The following CYFIP1 variants were observed in gnomAD, a reference collection of about 807,000 sequenced individuals.
CYFIP1 encodes cytoplasmic FMR1 interacting protein 1, also known as cytoplasmic FMR1-interacting protein 1.
Under a neutral mutation model 163.5 loss-of-function variants are expected in CYFIP1, and 58 were observed. The ratio of observed to expected loss-of-function variants is 0.35; its 90% CI spans 0.29 to 0.44. The LOEUF (loss-of-function observed/expected upper bound fraction) is 0.44. Ranked by LOEUF, CYFIP1 falls within the 20% of genes least tolerant of loss-of-function variation. The pLI is 1.00. For synonymous variants in CYFIP1, 663 were observed against 660.7 expected (o/e 1.00, Z -0.05); for missense variants, 1,338 against 1,653.8 (o/e 0.81, Z 3.31).
chr15:22,914,885 G>A lies in CYFIP1; in HGVS notation c.1829-3C>T, dbSNP rs562120712. The A allele has an allele frequency of 6.2e-7, 1 of 1,604,476 alleles. No homozygotes were observed. Among genetic ancestry groups the A allele is most frequent in the East Asian group, 2.2e-5 (1 of 44,626 alleles). On this transcript the variant is annotated splice_region_variant and splice_polypyrimidine_tract_variant and intron_variant, in intron 16 of 30. Transcript: ENST00000617928. ...GTCACAGCACTGCTGCAGCGTTTCTGGGAGGGTTCAAACAACTCCATGTTA... is the reference window on the plus strand; with the variant it reads ...GTCACAGCACTGCTGCAGCGTTTCTAGGAGGGTTCAAACAACTCCATGTTA...
Position 22,917,704 on chromosome 15 carries a change from CG to C in CYFIP1, c.1674+83del. ...CAGGCAGCGAGGACCTCATTTAACC[CG>C]GGCCTCACCAGCCCCACCCGCTCAC... On this transcript the variant is annotated intron_variant, in intron 15 of 30. Transcript: ENST00000617928. The surrounding 1 kb of genome is among the most constrained non-coding windows in gnomAD (Gnocchi z 4.2). The C allele has an allele frequency of 6.9e-7, 1 of 1,453,806 alleles. No individual in the cohort carries two copies. The allele number at this position is 1,453,806 out of a possible 1,614,324, so 90.1% of individuals were successfully genotyped here.
At chr15:22,883,400 C>G (rs1473808693) in intron 23 of CYFIP1, among the ~76,000 whole-genome samples, 1 of 152,136 alleles carries the variant, frequency 6.6e-6, no homozygotes, top group East Asian at 1.9e-4. Flanking sequence ...GCACAGGGCA[C>G]CCCCGGAGCC....
chr15:22,906,050 T>C (rs2060567352), intron 21 of CYFIP1, among the ~76,000 whole-genome samples: 1 of 152,142 alleles, frequency 6.6e-6, no homozygotes, highest in South Asian at 2.1e-4. Context: ...TGAGCCACTG[T>C]GCCCGGCCTT....
intron 1 of CYFIP1, among the ~76,000 whole-genome samples, chr15:22,965,099 T>C (rs998037107): frequency 6.6e-6 from 1 of 151,872 alleles, no homozygotes; most frequent in Non-Finnish European, 1.5e-5. Context: ...CATATCAACA[T>C]ACAGGTAACC....
intron 1 of CYFIP1, among the ~76,000 whole-genome samples, chr15:22,958,097 C>CTT (rs57822590): frequency 2.1e-4 from 30 of 141,380 alleles, no homozygotes; most frequent in Middle Eastern, 3.6e-3. Context: ...AAGTAATTTG[C>CTT]TTTTTTTTTT....
chr15:22,942,321 C>T (rs1456999606), intron 6 of CYFIP1, among the ~76,000 whole-genome samples: 3 of 152,210 alleles, frequency 2.0e-5, no homozygotes, highest in Non-Finnish European at 4.4e-5. Context: ...AATTTTAGAG[C>T]TAAGATGCCT....
rs762676312 is a variant in CYFIP1, at chr15:22,927,890, CG to C, written c.1233+15del. The C allele has an allele frequency of 3.1e-6, 5 of 1,589,776 alleles. No homozygotes were observed. Among genetic ancestry groups the C allele is most frequent in the South Asian group, 1.1e-5 (1 of 87,570 alleles). On this transcript the variant is annotated intron_variant, in intron 12 of 30. Transcript: ENST00000617928. ...GGCAGCTTTGGAGCGGGGCTGGGGT[CG>C]GGGACGGGGCCTACCACTTCCATCA...
rs1338626739 is a variant in CYFIP1 at position 22,885,690 on chromosome 15, G to A, written c.2677-2679C>T. On this transcript the variant is annotated intron_variant, in intron 23 of 30. Coordinates refer to ENST00000617928, the MANE Select transcript of CYFIP1 (RefSeq NM_014608.6). ...GGAGGTTGCAGTGAGCTGAGATTGC[G>A]CCATTGCACTCCAGCCTGGGCAACA... is the stretch of plus-strand genomic sequence containing the variant. Among the ~76,000 whole-genome samples the A allele has an allele frequency of 4.6e-5, 7 of 152,244 alleles. No homozygotes were observed. In the South Asian group the frequency reaches 6.2e-4, roughly 14 times the overall value.
At chr15:22,896,719 A>G (rs2060248231) in intron 22 of CYFIP1, among the ~76,000 whole-genome samples, 1 of 152,142 alleles carries the variant, frequency 6.6e-6, no homozygotes, top group South Asian at 2.1e-4. Flanking sequence ...CCTTGAGCAC[A>G]TGCATAGTCG....
In CYFIP1 at chr15:22,894,019, C is replaced by T. The variant is rs1401494147; in HGVS notation, c.2589-1042G>A. ...TCAGGGTGATGCTCAGAAAAGGGAACCCCATTTCCCAGAGATTCCTGGGCA... is the reference window on the plus strand; with the variant it reads ...TCAGGGTGATGCTCAGAAAAGGGAATCCCATTTCCCAGAGATTCCTGGGCA... On this transcript the variant is annotated intron_variant, in intron 22 of 30. Coordinates refer to ENST00000617928, the MANE Select transcript of CYFIP1 (RefSeq NM_014608.6). Among the ~76,000 whole-genome samples the T allele has an allele frequency of 2.0e-5, 3 of 152,232 alleles. No homozygotes were observed. The East Asian group carries it at 5.8e-4, about 29-fold the overall frequency.
In CYFIP1 at chr15:22,867,149, C is replaced by CTTTA; in HGVS notation, c.*2875_*2878dup. Reference sequence around the variant, plus strand: ...TGACAGTTTTAAGTCTATGAAAATGCTTTATTTTTTCATTGGTGATGAAAG... The same window carrying CTTTA: ...TGACAGTTTTAAGTCTATGAAAATGCTTTATTTATTTTTTCATTGGTGATGAAAG... On this transcript the variant is annotated 3_prime_UTR_variant, in exon 31 of 31. Transcript: ENST00000617928. 4 of 447,772 alleles carry CTTTA rather than the reference C, an allele frequency of 8.9e-6. No individual in the cohort carries two copies. Among genetic ancestry groups the CTTTA allele is most frequent in the Non-Finnish European group, 1.2e-5 (3 of 256,270 alleles). 27.7% of individuals were successfully genotyped at this position (447,772 alleles called of 1,614,324 possible). A position where few individuals can be genotyped will look rare whatever the true frequency, so the allele number is the denominator to read the frequency against.
chr15:22,930,410 A>AAAC (rs2061503640), intron 11 of CYFIP1, among the ~76,000 whole-genome samples: 1 of 148,242 alleles, frequency 6.7e-6, no homozygotes, highest in Non-Finnish European at 1.5e-5. Flanking sequence ...AAAAAAAAAA[A>AAAC]AACTGTACTC....
rs140750865 is a variant in CYFIP1, at chr15:22,870,164, C to T, written c.3626G>A (p.Arg1209His). The T allele has an allele frequency of 1.1e-5, 18 of 1,609,924 alleles. No individual in the cohort carries two copies. Among genetic ancestry groups the T allele is most frequent in the African/African-American group, 1.1e-4 (8 of 74,720 alleles). The change falls in exon 31 of 31, where the codon CGC (arginine) becomes CAC (histidine). Residue 1209 changes from arginine (R) to histidine (H), a missense_variant. Around this residue, in one of 4 missense-constraint regions of CYFIP1, gnomAD observed 306 missense variants for 322.1 expected, o/e 0.95. Coordinates refer to ENST00000617928, the MANE Select transcript of CYFIP1 (RefSeq NM_014608.6). Reference protein sequence around the residue: ...VPLKKMVERIRKFQILNDEII... With the variant: ...VPLKKMVERIHKFQILNDEII... ...CTCATCATTGAGAATCTGGAACTTG[C>T]GAATTCTCTCCACCATCTTCTTCAA...
chr15:22,895,068 G>A (rs934744633), intron 22 of CYFIP1, among the ~76,000 whole-genome samples: 1 of 150,546 alleles, frequency 6.6e-6, no homozygotes, highest in Non-Finnish European at 1.5e-5. Flanking sequence ...AGGCTGGAGT[G>A]CAGTGGCGTG....
chr15:22,963,638 C>T (rs1486311936), intron 1 of CYFIP1, among the ~76,000 whole-genome samples: 1 of 152,124 alleles, frequency 6.6e-6, no homozygotes. Flanking sequence ...AGACTTGCCC[C>T]GACTCTTCAA....
Position 22,924,190 on chromosome 15 carries a change from A to G in CYFIP1, c.1359+1792T>C, listed in dbSNP as rs1209335743. On this transcript the variant is annotated intron_variant, in intron 13 of 30. Coordinates refer to ENST00000617928, the MANE Select transcript of CYFIP1 (RefSeq NM_014608.6). ...TGTAATCCTGGCACTTTGGAAGCCCAAGGCAGGCGGATTACCTGAGGTCAG... is the reference window on the plus strand; with the variant it reads ...TGTAATCCTGGCACTTTGGAAGCCCGAGGCAGGCGGATTACCTGAGGTCAG... 3.3e-5 allele frequency among the ~76,000 whole-genome samples: 5 copies of G among 152,090 alleles called. No homozygotes were observed. The East Asian group carries it at 9.6e-4, about 29-fold the overall frequency.
intron 23 of CYFIP1, among the ~76,000 whole-genome samples, chr15:22,889,384 C>T (rs937388781): frequency 3.3e-5 from 5 of 152,154 alleles, no homozygotes; most frequent in Non-Finnish European, 5.9e-5. Flanking sequence ...CCTGGAACAG[C>T]GCGCTCATGT....
chr15:22,887,526 T>G (rs2059958231), intron 23 of CYFIP1, among the ~76,000 whole-genome samples: 1 of 152,160 alleles, frequency 6.6e-6, no homozygotes, highest in Non-Finnish European at 1.5e-5. Flanking sequence ...ATGTTACAAG[T>G]GAGAGAATTC....
intron 3 of CYFIP1, among the ~76,000 whole-genome samples, chr15:22,946,533 C>T (rs113531836): frequency 1.1e-3 from 173 of 152,116 alleles, no homozygotes; most frequent in African/African-American, 4.0e-3. Context: ...CCCAGCTACT[C>T]GGGAGGCTGA....
Sources: allele counts gnomAD v4.1 joint callset (sites outside exome capture counted in the v4.1 genomes callset), GRCh38; gene constraint gnomAD v4.1.1; regional missense constraint gnomAD v4.1.1; non-coding constraint Gnocchi (gnomAD v3.1); transcripts MANE v1.5; gene names NCBI Gene and HGNC (gene_info 2026-07-23, HGNC 2026-07-21).